Variants in RSRC1 observed in about 807,000 individuals in gnomAD.
RSRC1 encodes the protein arginine and serine rich coiled-coil 1.
Under a neutral mutation model 49.1 loss-of-function variants are expected in RSRC1, and 39 were observed. That is an observed-to-expected ratio of 0.79 (90% CI 0.61 to 1.04). The LOEUF is 1.04. Among genes scored for constraint, RSRC1 ranks in the 50% least tolerant of loss-of-function variants. The pLI is 0.00. For synonymous variants in RSRC1, 143 were observed against 130.8 expected (o/e 1.09, Z -0.63); for missense variants, 388 against 402.4 (o/e 0.96, Z 0.31).
chr3:158,462,150 A>G (rs1578509936), intron 7 of RSRC1, among the ~76,000 whole-genome samples: 1 of 151,850 alleles, frequency 6.6e-6, no homozygotes, highest in East Asian at 1.9e-4. Flanking sequence ...TCCGGGATCA[A>G]CTAATTTTAT....
At chr3:158,417,052 T>C (rs1021897544) in intron 6 of RSRC1, among the ~76,000 whole-genome samples, 3 of 152,048 alleles carry the variant, frequency 2.0e-5, no homozygotes, top group African/African-American at 7.2e-5. Context: ...TATTGTCTTA[T>C]TTTATATAGA....
At chr3:158,175,478 G>C (rs1489541846) in intron 3 of RSRC1, among the ~76,000 whole-genome samples, 2 of 148,742 alleles carry the variant, frequency 1.3e-5, no homozygotes, top group Admixed American at 1.4e-4. Context: ...GGTGTGTATG[G>C]TATGATTTTT....
intron 5 of RSRC1, among the ~76,000 whole-genome samples, chr3:158,301,331 A>G (rs940739495): frequency 6.6e-6 from 1 of 152,120 alleles, no homozygotes; most frequent in African/African-American, 2.4e-5. Flanking sequence ...AGATTTTCCA[A>G]TTCTACTGCT....
At chr3:158,419,360 G>A (rs1032360671) in intron 6 of RSRC1, among the ~76,000 whole-genome samples, 12 of 151,978 alleles carry the variant, frequency 7.9e-5, no homozygotes, top group Middle Eastern at 3.4e-3. Flanking sequence ...TATGGTCATA[G>A]CATCCACAAA....
chr3:158,290,577 A>G (rs1185464618), intron 4 of RSRC1, among the ~76,000 whole-genome samples: 1 of 152,118 alleles, frequency 6.6e-6, no homozygotes, highest in African/African-American at 2.4e-5. Flanking sequence ...GCCTGGCAGA[A>G]CTCAGCTTTT....
chr3:158,116,653 A>C (rs556424724), intron 1 of RSRC1, among the ~76,000 whole-genome samples: 1 of 152,114 alleles, frequency 6.6e-6, no homozygotes, highest in East Asian at 1.9e-4. Context: ...TTACTTTTGC[A>C]CCATCAGTGC....
chr3:158,309,994 G>A (rs769145254), intron 5 of RSRC1, among the ~76,000 whole-genome samples: 1 of 151,564 alleles, frequency 6.6e-6, no homozygotes, highest in Non-Finnish European at 1.5e-5. Flanking sequence ...TTAAACCATA[G>A]GAGTAGATTT....
chr3:158,249,076 C>T (rs377244896), intron 4 of RSRC1, among the ~76,000 whole-genome samples: 1 of 151,924 alleles, frequency 6.6e-6, no homozygotes, highest in South Asian at 2.1e-4. Context: ...TTTTTGGCCA[C>T]GTGTGTATCT....
chr3:158,184,027 G>A (rs932621170), intron 3 of RSRC1, among the ~76,000 whole-genome samples: 1 of 152,052 alleles, frequency 6.6e-6, no homozygotes, highest in African/African-American at 2.4e-5. Flanking sequence ...GTTTCCAATA[G>A]TATAAAATCA....
At chr3:158,274,632 A>G (rs562933390) in intron 4 of RSRC1, among the ~76,000 whole-genome samples, 28 of 152,292 alleles carry the variant, frequency 1.8e-4, no homozygotes, top group African/African-American at 6.5e-4. Context: ...GAATTGGACA[A>G]TTCCTTGTCT....
chr3:158,527,283 C>G (rs898513283), intron 7 of RSRC1, among the ~76,000 whole-genome samples: 1 of 151,746 alleles, frequency 6.6e-6, no homozygotes, highest in African/African-American at 2.4e-5. Flanking sequence ...TGTACCCTTT[C>G]TCTAGCTAGT....
chr3:158,519,845 G>A (rs1218850176), intron 7 of RSRC1, among the ~76,000 whole-genome samples: 3 of 152,112 alleles, frequency 2.0e-5, no homozygotes, highest in African/African-American at 7.2e-5. Flanking sequence ...GTTACCTAGA[G>A]AGAGAATATA....
chr3:158,249,904 ACT>A (rs1448270031), intron 4 of RSRC1, among the ~76,000 whole-genome samples: 4 of 151,916 alleles, frequency 2.6e-5, no homozygotes, highest in Non-Finnish European at 4.4e-5. Context: ...GCTATCAAAT[ACT>A]CTTTTTCATT....
At chr3:158,308,565 G>T (rs1344834151) in intron 5 of RSRC1, among the ~76,000 whole-genome samples, 2 of 151,856 alleles carry the variant, frequency 1.3e-5, no homozygotes, top group South Asian at 2.1e-4. Flanking sequence ...AGAAACCAAA[G>T]TATTCATCCT....
rs566091908 is a variant in RSRC1, at chr3:158,451,380, A to G, written c.584-9555A>G. 4.6e-5 allele frequency among the ~76,000 whole-genome samples: 7 copies of G among 152,192 alleles called. No individual in the cohort carries two copies. In the South Asian group the frequency reaches 1.2e-3, roughly 27 times the overall value. On this transcript the variant is annotated intron_variant, in intron 6 of 9. Coordinates refer to ENST00000611884, the MANE Select transcript of RSRC1 (RefSeq NM_001271838.2). ...AACTATTATTATATAGTCTTTAAAT[A>G]TACACAAACAGCAGCTATGTTAATA...
chr3:158,368,961 G>C (rs934612058), intron 6 of RSRC1, among the ~76,000 whole-genome samples: 3 of 151,952 alleles, frequency 2.0e-5, no homozygotes, highest in African/African-American at 7.2e-5. Context: ...TTAATGTAAT[G>C]AAATGAAAAA....
rs17628988 is a variant in RSRC1, at chr3:158,539,605, A to G, written c.759+2407A>G. ...ATTTTAGTACTAATTTTTACAAACT[A>G]AACCACCAGGTGGCAGCGCTACTCA... On this transcript the variant is annotated intron_variant, in intron 8 of 9. Transcript: ENST00000611884. The surrounding 1 kb of genome is among the most constrained non-coding windows in gnomAD (Gnocchi z 4.1). Among the ~76,000 whole-genome samples, 34,044 of 151,966 alleles carry G rather than the reference A, an allele frequency of 0.22. 4,022 individuals carry two copies. The highest frequency in any genetic ancestry group is 0.29 in the South Asian group (1,417 of 4,824).
Position 158,238,486 on chromosome 3 carries a change from C to A in RSRC1, c.494+35241C>A, listed in dbSNP as rs554915796. ...AAACTATACTACAAGGCTACAGTAA[C>A]CAAAACAGCATGGTACTGGTACCAA... On this transcript the variant is annotated intron_variant, in intron 4 of 9. Transcript: ENST00000611884. 1.6e-4 allele frequency among the ~76,000 whole-genome samples: 24 copies of A among 152,260 alleles called. No individual in the cohort carries two copies. The East Asian group carries it at 2.3e-3, about 15-fold the overall frequency.
intron 4 of RSRC1, among the ~76,000 whole-genome samples, chr3:158,290,368 G>A (rs938285517): frequency 6.6e-6 from 1 of 151,892 alleles, no homozygotes; most frequent in Non-Finnish European, 1.5e-5. Context: ...CGCCTCCCAG[G>A]TTCACGCCAT....
Sources: allele counts gnomAD v4.1 joint callset (sites outside exome capture counted in the v4.1 genomes callset), GRCh38; gene constraint gnomAD v4.1.1; non-coding constraint Gnocchi (gnomAD v3.1); transcripts MANE v1.5; gene names NCBI Gene and HGNC (gene_info 2026-07-23, HGNC 2026-07-21).